Variants in UTS2B observed in about 807,000 individuals in gnomAD.
UTS2B encodes the protein urotensin 2B.
A neutral mutation model predicts 19.2 loss-of-function variants in UTS2B; 21 were observed. That is an observed-to-expected ratio of 1.09 (90% CI 0.78 to 1.58). The LOEUF (loss-of-function observed/expected upper bound fraction) is 1.58. Among genes scored for constraint, UTS2B ranks in the 40% most tolerant of loss-of-function variants. UTS2B has a pLI of 0.00. For missense variants in UTS2B, 138 were observed against 130.3 expected (o/e 1.06, Z -0.29); for synonymous variants, 57 against 50.2 (o/e 1.14, Z -0.58).
At position 191,323,827 on chromosome 3, in the gene UTS2B, A is replaced by G. The variant is rs956870837; in HGVS notation, c.-586+4804T>C. 2.0e-5 allele frequency among the ~76,000 whole-genome samples: 3 copies of G among 152,290 alleles called. No individual in the cohort carries two copies. In the South Asian group the frequency reaches 6.2e-4, roughly 32 times the overall value. ...TCTTGTATAATTGAAGAATTGTTGAATGTGGGGTACCTCTAGGAGTGAGTT... is the reference window on the plus strand; with the variant it reads ...TCTTGTATAATTGAAGAATTGTTGAGTGTGGGGTACCTCTAGGAGTGAGTT... On this transcript the variant is annotated intron_variant, in intron 2 of 8. Transcript: ENST00000340524.
At chr3:191,323,559 AGT>A (rs1717666505) in intron 2 of UTS2B, among the ~76,000 whole-genome samples, 1 of 152,198 alleles carries the variant, frequency 6.6e-6, no homozygotes. Flanking sequence ...GTGTGCTATC[AGT>A]GTGTTTTGGA....
intron 2 of UTS2B, among the ~76,000 whole-genome samples, chr3:191,321,477 C>G (rs973937076): frequency 9.2e-5 from 14 of 152,190 alleles, no homozygotes; most frequent in Admixed American, 7.9e-4. Flanking sequence ...TATTTTAACA[C>G]TCTTATTTGG....
intron 6 of UTS2B, 137 bp downstream of exon 6, chr3:191,277,935 C>A: frequency 4.2e-6 from 2 of 481,254 alleles, no homozygotes; most frequent in African/African-American, 2.0e-5. Flanking sequence ...ACAAAAAAAT[C>A]ACTTAAATCT....
chr3:191,311,932 G>C (rs1463500675), intron 3 of UTS2B, among the ~76,000 whole-genome samples: 1 of 151,926 alleles, frequency 6.6e-6, no homozygotes. Context: ...CTCAGGTCAG[G>C]AGTTTGAGAC....
At chr3:191,315,011 G>T (rs1560145860) in intron 3 of UTS2B, among the ~76,000 whole-genome samples, 1 of 144,698 alleles carries the variant, frequency 6.9e-6, no homozygotes, top group African/African-American at 2.6e-5. Context: ...TGCCACCCTA[G>T]AATTTTTTTT....
chr3:191,333,516 T>A (rs1422499325), upstream of UTS2B, among the ~76,000 whole-genome samples: 1 of 152,186 alleles, frequency 6.6e-6, no homozygotes, highest in Non-Finnish European at 1.5e-5. Flanking sequence ...ACTTTCCCTG[T>A]TTTTCAAAAT....
chr3:191,300,365 G>A (rs895246645), intron 4 of UTS2B, among the ~76,000 whole-genome samples: 2 of 152,140 alleles, frequency 1.3e-5, no homozygotes, highest in Non-Finnish European at 2.9e-5. Flanking sequence ...CCTTTCTTTT[G>A]GCCAATTTAT....
intron 4 of UTS2B, among the ~76,000 whole-genome samples, chr3:191,293,116 ATGT>A (rs1716762768): frequency 6.6e-6 from 1 of 151,914 alleles, no homozygotes; most frequent in African/African-American, 2.4e-5. Context: ...TTATTTGGTG[ATGT>A]TGTGTGTTAC....
At chr3:191,281,125 C>T (rs906003781) in intron 5 of UTS2B, among the ~76,000 whole-genome samples, 3 of 152,156 alleles carry the variant, frequency 2.0e-5, no homozygotes, top group African/African-American at 7.2e-5. Flanking sequence ...AAATTGGAAA[C>T]TTGATCCCTT....
At chr3:191,343,269 T>C in the UTS2B span, among the ~76,000 whole-genome samples, 1 of 152,152 alleles carries the variant, frequency 6.6e-6, no homozygotes. Flanking sequence ...ACATAAGTGA[T>C]GTTAGTTTGT....
chr3:191,317,446 C>G (rs1330011281), intron 2 of UTS2B, among the ~76,000 whole-genome samples: 2 of 147,782 alleles, frequency 1.4e-5, no homozygotes, highest in Admixed American at 6.8e-5. Context: ...CAGAGGGGCT[C>G]CCACAGTGCA....
chr3:191,289,851 GAAGTT>G (rs1232041675), intron 4 of UTS2B, among the ~76,000 whole-genome samples: 4 of 152,150 alleles, frequency 2.6e-5, no homozygotes, highest in Admixed American at 2.0e-4. Flanking sequence ...TTAGATAGCA[GAAGTT>G]AAGTTTCAGA....
chr3:191,341,515 G>T, the UTS2B span, among the ~76,000 whole-genome samples: 37 of 152,168 alleles, frequency 2.4e-4, no homozygotes, highest in Non-Finnish European at 2.8e-4. Flanking sequence ...ACAGATCCAG[G>T]TTGTTGCTCT....
At chr3:191,317,377 C>T (rs1717491774) in intron 2 of UTS2B, among the ~76,000 whole-genome samples, 2 of 152,350 alleles carry the variant, frequency 1.3e-5, no homozygotes, top group South Asian at 2.1e-4. Flanking sequence ...CCCGTCTGCA[C>T]CTCTCCCTCC....
chr3:191,283,378 C>A (rs1370777638), intron 4 of UTS2B, among the ~76,000 whole-genome samples: 3 of 152,212 alleles, frequency 2.0e-5, no homozygotes, highest in African/African-American at 7.2e-5. Context: ...CCTGAAGCTA[C>A]TGATCAAATG....
intron 3 of UTS2B, among the ~76,000 whole-genome samples, chr3:191,312,653 G>A (rs767183894): frequency 1.3e-5 from 2 of 152,086 alleles, no homozygotes; most frequent in African/African-American, 2.4e-5. Flanking sequence ...TTTAATAATC[G>A]TGATTCATTA....
Position 191,306,441 on chromosome 3 carries a change from T to G in UTS2B, c.-181-1893A>C, listed in dbSNP as rs534566658. ...AATCCATCATCTATTTTATAGTTTA[T>G]ATTTATCATTTTAATCCCTCCTTCC... On this transcript the variant is annotated intron_variant, in intron 3 of 8. Transcript: ENST00000340524. 1.3e-5 allele frequency among the ~76,000 whole-genome samples: 2 copies of G among 152,334 alleles called. 1 individual carries two copies. Among genetic ancestry groups the G allele is most frequent in the Admixed American group, 1.3e-4 (2 of 15,300 alleles).
upstream of UTS2B, among the ~76,000 whole-genome samples, chr3:191,334,003 T>A: frequency 6.6e-6 from 1 of 152,290 alleles, no homozygotes; most frequent in East Asian, 1.9e-4. Context: ...GAATAGAATT[T>A]TAGTAAAATT....
At chr3:191,328,886 TAC>T (rs1269760991) in intron 1 of UTS2B, 177 bp from the exon 2 acceptor site, 5 of 152,250 alleles carry the variant, frequency 3.3e-5, no homozygotes, top group Non-Finnish European at 7.3e-5. Flanking sequence ...GTACACACTC[TAC>T]TCCAAACTGG....
Sources: gnomAD v4.1 joint callset for allele counts (sites outside exome capture counted in the v4.1 genomes callset) on GRCh38, gnomAD v4.1.1 for gene constraint, MANE v1.5 for transcripts, NCBI Gene and HGNC (gene_info 2026-07-23, HGNC 2026-07-21) for gene names.